Variants in HAT1 observed in about 807,000 individuals in gnomAD.
HAT1 encodes histone acetyltransferase type B catalytic subunit.
Under a neutral mutation model 56.6 loss-of-function variants are expected in HAT1, and 20 were observed. That is an observed-to-expected ratio of 0.35 (90% CI 0.25 to 0.51). HAT1 has a LOEUF of 0.51. Among genes scored for constraint, HAT1 ranks in the 20% least tolerant of loss-of-function variants. The pLI is 0.95. For missense variants in HAT1, 408 were observed against 504.3 expected (o/e 0.81, Z 1.83); for synonymous variants, 146 against 165.5 (o/e 0.88, Z 0.91).
chr2:171,954,761 A>T (rs1687399481), intron 4 of HAT1, among the ~76,000 whole-genome samples: 1 of 152,218 alleles, frequency 6.6e-6, no homozygotes, highest in African/African-American at 2.4e-5. Context: ...TCCATGTCCT[A>T]ATATCTGGAA....
chr2:171,978,336 C>T (rs1053056688), intron 9 of HAT1, among the ~76,000 whole-genome samples: 1 of 152,162 alleles, frequency 6.6e-6, no homozygotes, highest in East Asian at 1.9e-4. Flanking sequence ...CATGAGCCAC[C>T]ATGTCCAGCC....
At chr2:171,958,384 G>A (rs935614019) in intron 4 of HAT1, among the ~76,000 whole-genome samples, 2 of 150,426 alleles carry the variant, frequency 1.3e-5, no homozygotes, top group East Asian at 3.9e-4. Context: ...GAACTTGCAC[G>A]TTTGTTACAT....
At chr2:171,977,002 C>A (rs1243926921) in intron 9 of HAT1, among the ~76,000 whole-genome samples, 2 of 150,290 alleles carry the variant, frequency 1.3e-5, no homozygotes, top group African/African-American at 4.9e-5. Flanking sequence ...GGTGAAACCC[C>A]ACCTCTACTA....
chr2:171,934,603 G>C (rs1686821259), intron 2 of HAT1, among the ~76,000 whole-genome samples: 1 of 152,136 alleles, frequency 6.6e-6, no homozygotes, highest in African/African-American at 2.4e-5. Context: ...GTGAGTGGGA[G>C]GAGTGAGTAG....
chr2:171,949,667 C>T (rs2105321972), intron 3 of HAT1, among the ~76,000 whole-genome samples: 1 of 145,610 alleles, frequency 6.9e-6, no homozygotes, highest in African/African-American at 2.6e-5. Flanking sequence ...GAGTGAGACT[C>T]TGTCTCAAAA....
intron 4 of HAT1, chr2:171,965,100 A>T: frequency 2.3e-6 from 1 of 439,954 alleles, no homozygotes. Flanking sequence ...TTATTATTGT[A>T]CTTGGTATCA....
At position 171,925,781 on chromosome 2, in the gene HAT1, T is replaced by C. The variant is rs1170323418; in HGVS notation, c.112+140T>C. On this transcript the variant is annotated intron_variant, in intron 2 of 10. Coordinates refer to ENST00000264108, the MANE Select transcript of HAT1 (RefSeq NM_003642.4). ...GGTTTTCTGCATTTATTGAACATAT[T>C]CAGATTTTATTCAGTTTTGATTTAT... is the stretch of plus-strand genomic sequence containing the variant. 9.4e-6 allele frequency: 5 copies of C among 534,390 alleles called. No individual in the cohort carries two copies. In the East Asian group the frequency reaches 1.5e-4, roughly 16 times the overall value. The allele number at this position is 534,390 out of a possible 1,614,324, so 33.1% of individuals were successfully genotyped here.
rs942747094 is a variant in HAT1, at chr2:171,983,495, G to C, written c.*143G>C. On this transcript the variant is annotated 3_prime_UTR_variant, in exon 11 of 11. Coordinates refer to ENST00000264108, the MANE Select transcript of HAT1 (RefSeq NM_003642.4). ...CTTTAGTTGAATATTTTCTTTTGGAGAGATTGTATATTTTAAAATACTGTT... is the reference window on the plus strand; with the variant it reads ...CTTTAGTTGAATATTTTCTTTTGGACAGATTGTATATTTTAAAATACTGTT... 6.4e-6 allele frequency: 3 copies of C among 466,328 alleles called. No homozygotes were observed. Among genetic ancestry groups the C allele is most frequent in the African/African-American group, 2.0e-5 (1 of 49,996 alleles). The allele number at this position is 466,328 out of a possible 1,614,324, so 28.9% of individuals were successfully genotyped here. A position where few individuals can be genotyped will look rare whatever the true frequency, so the allele number is the denominator to read the frequency against.
intron 8 of HAT1, among the ~76,000 whole-genome samples, chr2:171,970,847 A>G (rs1291051454): frequency 6.6e-6 from 1 of 151,536 alleles, no homozygotes; most frequent in Non-Finnish European, 1.5e-5. Context: ...CAACCAATTT[A>G]GAAAGAAATA....
At chr2:171,977,557 ATTTTTTT>A (rs1172067451) in intron 9 of HAT1, among the ~76,000 whole-genome samples, 46 of 16,316 alleles carry the variant, frequency 2.8e-3, no homozygotes, top group South Asian at 0.015. Context: ...ATATATATAT[ATTTTTTT>A]TTTTTTTTTT....
chr2:171,953,626 T>TTAAAA, intron 4 of HAT1, among the ~76,000 whole-genome samples: 1 of 84,630 alleles, frequency 1.2e-5, no homozygotes, highest in Non-Finnish European at 2.0e-5. Context: ...CCCTGTCTCT[T>TTAAAA]AAAAAAAAAA....
At chr2:171,942,499 T>C (rs769495083) in intron 2 of HAT1, among the ~76,000 whole-genome samples, 16 of 152,246 alleles carry the variant, frequency 1.1e-4, no homozygotes, top group Non-Finnish European at 2.1e-4. Context: ...AACATTTTCC[T>C]ATGTTTGTCA....
intron 8 of HAT1, among the ~76,000 whole-genome samples, chr2:171,972,462 A>G (rs1265848468): frequency 1.3e-5 from 2 of 152,112 alleles, no homozygotes; most frequent in African/African-American, 2.4e-5. Flanking sequence ...ATGGGGTCTC[A>G]CTATGTTGCC....
At chr2:171,956,067 T>C (rs1045608132) in intron 4 of HAT1, among the ~76,000 whole-genome samples, 5 of 148,388 alleles carry the variant, frequency 3.4e-5, no homozygotes, top group Middle Eastern at 3.7e-3. Flanking sequence ...CCTCTGCTAC[T>C]GAGGAGAATG....
intron 2 of HAT1, among the ~76,000 whole-genome samples, chr2:171,935,847 T>A (rs1686860110): frequency 6.6e-6 from 1 of 151,970 alleles, no homozygotes; most frequent in Non-Finnish European, 1.5e-5. Flanking sequence ...GCCACAACAC[T>A]CCAGCCTGGG....
At chr2:171,953,552 A>G (rs991514837) in intron 4 of HAT1, among the ~76,000 whole-genome samples, 3 of 139,872 alleles carry the variant, frequency 2.1e-5, no homozygotes, top group Admixed American at 7.8e-5. Flanking sequence ...TGAGCCCAGG[A>G]GCTTGAGGCT....
At position 171,946,779 on chromosome 2, in the gene HAT1, G is replaced by C; in HGVS notation, c.184G>C (p.Asp62His). 7.0e-7 allele frequency: 1 copy of C among 1,426,194 alleles called. No individual in the cohort carries two copies. The highest frequency in any genetic ancestry group is 9.8e-7 in the Non-Finnish European group (1 of 1,025,028). 88.3% of individuals were successfully genotyped at this position (1,426,194 alleles called of 1,614,324 possible). A position where few individuals can be genotyped will look rare whatever the true frequency, so the allele number is the denominator to read the frequency against. The part of the protein sequence containing the change: ...FPEYTHQLFG[D>H]DETAFGYKGL... ...TGAGTATACCCATCAACTCTTTGGG[G>C]ATGAGTAAGTAACTTAGTAAAATAT... is the stretch of plus-strand genomic sequence containing the variant. Residue 62 changes from aspartate to histidine, a missense_variant, in exon 3 of 11, where the codon GAT becomes CAT. Asp to His is a moderately conservative substitution (Grantham distance 81, BLOSUM62 -1). Transcript: ENST00000264108.
chr2:171,957,471 G>T (rs762067144), intron 4 of HAT1, among the ~76,000 whole-genome samples: 1 of 152,072 alleles, frequency 6.6e-6, no homozygotes, highest in Admixed American at 6.6e-5. Context: ...AATTTCACAG[G>T]TTCATAGATG....
In HAT1 at chr2:171,965,346, T is replaced by C. The variant is rs763784563; in HGVS notation, c.318T>C (p.Asp106=). 1 of 1,591,558 alleles carries C rather than the reference T, an allele frequency of 6.3e-7. No homozygotes were observed. The highest frequency in any genetic ancestry group is 8.6e-7 in the Non-Finnish European group (1 of 1,162,330). Residue 106 remains aspartate (D), a synonymous_variant, in exon 5 of 11, where the codon GAT becomes GAC. Transcript: ENST00000264108. ...DENFDCVEAD[D]VEGKIRQIIP... is the part of the protein sequence containing the mutation. ...TATCCTTTATTCTTTAGGCAGATGA[T>C]GTTGAGGGCAAAATTAGACAAATCA... is the stretch of plus-strand genomic sequence containing the variant.
Sources: allele counts gnomAD v4.1 joint callset (sites outside exome capture counted in the v4.1 genomes callset), GRCh38; gene constraint gnomAD v4.1.1; transcripts MANE v1.5; gene names NCBI Gene and HGNC (gene_info 2026-07-23, HGNC 2026-07-21).